Variants in ATAD2 observed in about 807,000 individuals in gnomAD.
ATAD2 encodes the protein ATPase family AAA domain-containing protein 2.
A neutral mutation model predicts 168.9 loss-of-function variants in ATAD2; 62 were observed. That is an observed-to-expected ratio of 0.37 (90% CI 0.30 to 0.45). The LOEUF is 0.45. Ranked by LOEUF, ATAD2 falls within the 20% of genes least tolerant of loss-of-function variation. ATAD2 has a pLI of 1.00. For missense variants in ATAD2, 1,419 were observed against 1,667.8 expected, an observed-to-expected ratio of 0.85 and a Z score of 2.60; for synonymous variants, 613 against 571.6, an observed-to-expected ratio of 1.07 and a Z score of -1.03.
intron 1 of ATAD2, among the ~76,000 whole-genome samples, chr8:123,384,687 A>G (rs1829595100): frequency 6.6e-6 from 1 of 152,258 alleles, no homozygotes; most frequent in Non-Finnish European, 1.5e-5. Context: ...CCACAGACAC[A>G]TGAACTAATT....
intron 8 of ATAD2, among the ~76,000 whole-genome samples, chr8:123,366,260 A>T (rs1828975309): frequency 6.6e-6 from 1 of 152,188 alleles, no homozygotes. Flanking sequence ...TCAAAAAATC[A>T]AAAAATAATA....
intron 13 of ATAD2, among the ~76,000 whole-genome samples, chr8:123,349,803 G>GAGGC (rs1828389001): frequency 6.6e-6 from 1 of 151,782 alleles, no homozygotes; most frequent in African/African-American, 2.4e-5. Context: ...CTTGGGGGCT[G>GAGGC]AGGTGGGAAG....
chr8:123,357,842 G>A, intron 11 of ATAD2, 106 bp from the exon 12 acceptor site: 1 of 1,144,334 alleles, frequency 8.7e-7, no homozygotes, highest in African/African-American at 1.6e-5. Context: ...AAATTAAAAT[G>A]TGTAAGACAA....
At chr8:123,386,611 G>C (rs995031890) in intron 1 of ATAD2, among the ~76,000 whole-genome samples, 4 of 152,048 alleles carry the variant, frequency 2.6e-5, no homozygotes, top group African/African-American at 9.7e-5. Flanking sequence ...AGAACAATGT[G>C]AATGTACTTA....
chr8:123,332,030 G>T (rs1179066168), intron 24 of ATAD2, among the ~76,000 whole-genome samples: 1 of 152,148 alleles, frequency 6.6e-6, no homozygotes, highest in Non-Finnish European at 1.5e-5. Flanking sequence ...TACGATCTGT[G>T]TTTGTGTGGT....
chr8:123,358,686 C>T (rs1224121420), intron 11 of ATAD2, among the ~76,000 whole-genome samples: 5 of 149,468 alleles, frequency 3.3e-5, no homozygotes, highest in Non-Finnish European at 7.4e-5. Flanking sequence ...ATTTAAAACC[C>T]ACCAGTGTTT....
chr8:123,363,962 T>A (rs968408135), intron 8 of ATAD2, among the ~76,000 whole-genome samples: 1 of 152,208 alleles, frequency 6.6e-6, no homozygotes, highest in Non-Finnish European at 1.5e-5. Flanking sequence ...ACTATACTGA[T>A]GATTTCCAGT....
intron 1 of ATAD2, among the ~76,000 whole-genome samples, chr8:123,393,198 A>G (rs966218177): frequency 6.6e-6 from 1 of 151,046 alleles, no homozygotes; most frequent in Non-Finnish European, 1.5e-5. Context: ...AAAAAAAAAA[A>G]AAAGATTCAC....
Position 123,329,981 on chromosome 8 carries a change from C to CTTTTTTTTTTTTTTTTT in ATAD2, c.3479-1419_3479-1403dup, listed in dbSNP as rs71310666. ...AGATTACCTTTCTCCCCAGTGGCTT[C>CTTTTTTTTTTTTTTTTT]TTTTTTTTTTTTTTTTTTTTTTTTG... On this transcript the variant is annotated intron_variant, in intron 24 of 27. Transcript: ENST00000287394. Among the ~76,000 whole-genome samples the CTTTTTTTTTTTTTTTTT allele has an allele frequency of 4.9e-4, 49 of 100,314 alleles. 1 individual carries two copies. Among genetic ancestry groups the CTTTTTTTTTTTTTTTTT allele is most frequent in the African/African-American group, 1.7e-3 (47 of 27,594 alleles). 65.8% of individuals were successfully genotyped at this position (100,314 alleles called of 152,430 possible).
Position 123,321,123 on chromosome 8 carries a change from C to A in ATAD2, c.*11G>T, listed in dbSNP as rs758329196. ...AACTGAATATAAAGAATACTCGATA[C>A]CATGACATCATCATCTGGAACAACT... On this transcript the variant is annotated 3_prime_UTR_variant, in exon 28 of 28. Transcript: ENST00000287394. The A allele has an allele frequency of 2.5e-6, 4 of 1,607,914 alleles. No homozygotes were observed. Among genetic ancestry groups the A allele is most frequent in the Non-Finnish European group, 3.4e-6 (4 of 1,177,958 alleles).
At chr8:123,345,598 C>T (rs1399539511) in intron 18 of ATAD2, among the ~76,000 whole-genome samples, 1 of 151,906 alleles carries the variant, frequency 6.6e-6, no homozygotes, top group African/African-American at 2.4e-5. Context: ...AGGAGAATTG[C>T]TTGAACCCGG....
chr8:123,385,860 A>C (rs1829634435), intron 1 of ATAD2, among the ~76,000 whole-genome samples: 1 of 152,050 alleles, frequency 6.6e-6, no homozygotes, highest in South Asian at 2.1e-4. Flanking sequence ...AAACAAGCAA[A>C]CCAATTAAAA....
At chr8:123,384,011 GC>G (rs1208829908) in intron 1 of ATAD2, among the ~76,000 whole-genome samples, 1 of 151,654 alleles carries the variant, frequency 6.6e-6, no homozygotes, top group Admixed American at 6.6e-5. Flanking sequence ...AACCTGGGAG[GC>G]AGAGGTTGCA....
At chr8:123,334,427 T>C (rs1827859132) in intron 22 of ATAD2, 105 bp from the exon 23 acceptor site, 11 of 1,121,056 alleles carry the variant, frequency 9.8e-6, no homozygotes, top group East Asian at 2.7e-5. Context: ...ACAATTCCTT[T>C]TGACTTTTAC....
chr8:123,396,094 C>T lies in ATAD2; in HGVS notation c.171+93G>A, dbSNP rs937198489. 1.5e-5 allele frequency: 20 copies of T among 1,360,010 alleles called. No individual in the cohort carries two copies. In the African/African-American group the frequency reaches 2.1e-4, roughly 15 times the overall value. 84.2% of individuals were successfully genotyped at this position (1,360,010 alleles called of 1,614,324 possible). On this transcript the variant is annotated intron_variant, in intron 1 of 27. Transcript: ENST00000287394. ...CTCCCCCGACAACTGTCACCCTGAC[C>T]GGCGCCGCCCACCCCCAGGCCCCTC...
At position 123,353,567 on chromosome 8, in the gene ATAD2, A is replaced by AT. The variant is rs966836860; in HGVS notation, c.1646+2821dup. On this transcript the variant is annotated intron_variant, in intron 13 of 27. Coordinates refer to ENST00000287394, the MANE Select transcript of ATAD2 (RefSeq NM_014109.4). Reference sequence around the variant, plus strand: ...ATGTCATTCTGGTACGATTCCAGTAATTTTTTTTTTTTATTGCTTTCAGGC... The same window carrying AT: ...ATGTCATTCTGGTACGATTCCAGTAATTTTTTTTTTTTTATTGCTTTCAGGC... Among the ~76,000 whole-genome samples, 141 of 146,812 alleles carry AT rather than the reference A, an allele frequency of 9.6e-4. No homozygotes were observed. In the East Asian group the frequency reaches 9.7e-3, roughly 10 times the overall value.
At chr8:123,348,662 G>A (rs1338960859) in intron 14 of ATAD2, among the ~76,000 whole-genome samples, 1 of 152,110 alleles carries the variant, frequency 6.6e-6, no homozygotes, top group East Asian at 1.9e-4. Context: ...GGGTGACAGA[G>A]CAAGACTTTA....
Position 123,347,588 on chromosome 8 carries a change from G to A in ATAD2, c.1898-182C>T, listed in dbSNP as rs533213200. On this transcript the variant is annotated intron_variant, in intron 15 of 27. Coordinates refer to ENST00000287394, the MANE Select transcript of ATAD2 (RefSeq NM_014109.4). ...CCAGTAAACTTATAGGGTAGTAATG[G>A]CCATCAACAATCAATCAACTTTTAA... is the stretch of plus-strand genomic sequence containing the variant. 5.0e-4 allele frequency among the ~76,000 whole-genome samples: 76 copies of A among 152,042 alleles called. 1 individual carries two copies. Among genetic ancestry groups the A allele is most frequent in the Non-Finnish European group, 1.0e-3 (70 of 68,004 alleles).
intron 2 of ATAD2, among the ~76,000 whole-genome samples, chr8:123,376,578 C>T (rs192010934): frequency 1.1e-4 from 17 of 152,176 alleles, no homozygotes; most frequent in African/African-American, 3.9e-4. Flanking sequence ...CACACACACA[C>T]ACACTAAAAC....
Sources: allele counts gnomAD v4.1 joint callset (sites outside exome capture counted in the v4.1 genomes callset), GRCh38; gene constraint gnomAD v4.1.1; transcripts MANE v1.5; gene names NCBI Gene and HGNC (gene_info 2026-07-23, HGNC 2026-07-21).